Variants in XKR7 observed in about 807,000 individuals in gnomAD.
XKR7 encodes the protein XK-related protein 7.
XKR7 carries 11 observed loss-of-function variants against 42.2 expected under a neutral mutation model. That is an observed-to-expected ratio of 0.26 (90% CI 0.16 to 0.43). The LOEUF is 0.43. XKR7 is among the 20% of genes least tolerant of loss of function. The probability of loss-of-function intolerance (pLI) is 1.00; values close to 1 mark genes in which losing one functional copy is unlikely to be tolerated. For missense variants in XKR7, 710 were observed against 802.2 expected (o/e 0.89, Z 1.39); for synonymous variants, 346 against 366.4 (o/e 0.94, Z 0.64).
At chr20:31,981,769 G>A (rs1203144343) in intron 1 of XKR7, among the ~76,000 whole-genome samples, 1 of 152,162 alleles carries the variant, frequency 6.6e-6, no homozygotes, top group Admixed American at 6.5e-5. Flanking sequence ...TCTCCACTTC[G>A]TGTCGTGCTT....
chr20:31,989,283 C>CG (rs1404607780), intron 1 of XKR7, among the ~76,000 whole-genome samples: 9 of 120,618 alleles, frequency 7.5e-5, no homozygotes, highest in African/African-American at 2.9e-4. Flanking sequence ...ACACCCCCCC[C>CG]CCAGCGCATC....
chr20:31,997,186 G>A lies in XKR7; in HGVS notation c.1469G>A (p.Gly490Glu), dbSNP rs1482664633. The A allele has an allele frequency of 6.2e-7, 1 of 1,610,032 alleles. No homozygotes were observed. The highest frequency in any genetic ancestry group is 1.7e-5 in the Admixed American group (1 of 59,990). The change falls in exon 3 of 3, where the codon GGA becomes GAA. Residue 490 changes from glycine (G) to glutamate (E), a missense_variant. Gly to Glu is a moderately conservative substitution (Grantham distance 98). Coordinates refer to ENST00000562532, the MANE Select transcript of XKR7 (RefSeq NM_001011718.2). ...TGAERDGASA[G>E]ERAGTPTPPV... ...GCTGAGCGGGATGGGGCCTCGGCGG[G>A]AGAGCGTGCAGGGACCCCCACCCCA...
At chr20:31,996,456 CGAGCCCG>C in intron 2 of XKR7, 42 bp from the exon 3 acceptor site, 8 of 571,044 alleles carry the variant, frequency 1.4e-5, no homozygotes, top group East Asian at 3.4e-5. Context: ...GACCCCAACC[CGAGCCCG>C]CCCCTAACCC....
At chr20:31,986,442 C>T (rs988257890) in intron 1 of XKR7, among the ~76,000 whole-genome samples, 10 of 125,942 alleles carry the variant, frequency 7.9e-5, no homozygotes, top group African/African-American at 2.8e-4. Context: ...ACAGACAGAC[C>T]ACCAAGCACA....
rs1455366361 is a variant in XKR7 at position 31,995,754 on chromosome 20, G to T, written c.787+484G>T. Among the ~76,000 whole-genome samples the T allele has an allele frequency of 6.6e-6, 1 of 151,672 alleles. No homozygotes were observed. Among genetic ancestry groups the T allele is most frequent in the Non-Finnish European group, 1.5e-5 (1 of 67,870 alleles). On this transcript the variant is annotated intron_variant, in intron 2 of 2. Coordinates refer to ENST00000562532, the MANE Select transcript of XKR7 (RefSeq NM_001011718.2). The surrounding 1 kb of genome is among the most constrained non-coding windows in gnomAD (Gnocchi z 4.1). The stretch of plus-strand genomic sequence containing the variant: ...GGGGGGCCCCGGGGGGCCCTCCCAG[G>T]CCTAGTCCTGGCACCCATCCCCTCC...
At chr20:31,996,122 C>T (rs561199536) in intron 2 of XKR7, among the ~76,000 whole-genome samples, 60 of 152,006 alleles carry the variant, frequency 3.9e-4, no homozygotes, top group South Asian at 2.1e-3. Context: ...CCTGGCAGCT[C>T]CACACCCTAA....
At chr20:31,981,852 C>A (rs907681841) in intron 1 of XKR7, among the ~76,000 whole-genome samples, 2 of 152,356 alleles carry the variant, frequency 1.3e-5, no homozygotes, top group African/African-American at 4.8e-5. Flanking sequence ...CACTTCAGGA[C>A]TTTTGCCTAT....
chr20:31,983,035 A>G (rs1165733521), intron 1 of XKR7, among the ~76,000 whole-genome samples: 1 of 152,238 alleles, frequency 6.6e-6, no homozygotes, highest in Non-Finnish European at 1.5e-5. Context: ...TCAGTAAGAG[A>G]TGGAGCTAGG....
Position 31,996,656 on chromosome 20 carries a change from C to T in XKR7, c.939C>T (p.Arg313=), listed in dbSNP as rs754406842. 6 of 1,596,206 alleles carry T rather than the reference C, an allele frequency of 3.8e-6. No homozygotes were observed. Among genetic ancestry groups the T allele is most frequent in the African/African-American group, 1.3e-5 (1 of 74,334 alleles). ...VLWHLFSIAA[R]GLAFALFASV... ...GGCACCTGTTCAGCATTGCCGCCCGCGGCCTGGCCTTCGCGCTCTTCGCCA... is the reference window on the plus strand; with the variant it reads ...GGCACCTGTTCAGCATTGCCGCCCGTGGCCTGGCCTTCGCGCTCTTCGCCA... The change falls in exon 3 of 3, where the codon CGC becomes CGT. Residue 313 remains arginine (R), a synonymous_variant. Coordinates refer to ENST00000562532, the MANE Select transcript of XKR7 (RefSeq NM_001011718.2).
intron 1 of XKR7, among the ~76,000 whole-genome samples, chr20:31,972,819 C>T (rs1344585168): frequency 6.6e-6 from 1 of 152,176 alleles, no homozygotes; most frequent in Non-Finnish European, 1.5e-5. Context: ...TCTATGTCAC[C>T]TAAGAAGCCC....
At position 32,002,044 on chromosome 20, in the gene XKR7, A is replaced by G. The variant is rs2064627406; in HGVS notation, c.*4587A>G. 1.3e-5 allele frequency: 2 copies of G among 152,188 alleles called. No individual in the cohort carries two copies. Among genetic ancestry groups the G allele is most frequent in the Non-Finnish European group, 1.5e-5 (1 of 68,104 alleles). The allele number at this position is 152,188 out of a possible 1,614,324, so 9.4% of individuals were successfully genotyped here. A position where few individuals can be genotyped will look rare whatever the true frequency, so the allele number is the denominator to read the frequency against. On this transcript the variant is annotated 3_prime_UTR_variant, in exon 3 of 3. Transcript: ENST00000562532. ...ATGTGCCATTCTGGTTGGGGAGAGGATAGGACATTTCTGGGTCCTTGGCTG... is the reference window on the plus strand; with the variant it reads ...ATGTGCCATTCTGGTTGGGGAGAGGGTAGGACATTTCTGGGTCCTTGGCTG...
At chr20:31,993,316 A>T (rs930077281) in intron 1 of XKR7, among the ~76,000 whole-genome samples, 15 of 152,142 alleles carry the variant, frequency 9.9e-5, no homozygotes, top group Admixed American at 7.9e-4. Context: ...GCAGAAGGGA[A>T]ATCAGACCCA....
intron 1 of XKR7, among the ~76,000 whole-genome samples, chr20:31,981,064 CAAAA>C (rs1304530509): frequency 1.1e-5 from 1 of 94,444 alleles, no homozygotes; most frequent in Admixed American, 1.2e-4. Context: ...GACCCTGTCT[CAAAA>C]AAAAAAAAAA....
At chr20:31,988,900 C>T (rs182312090) in intron 1 of XKR7, among the ~76,000 whole-genome samples, 21 of 152,226 alleles carry the variant, frequency 1.4e-4, no homozygotes, top group African/African-American at 4.6e-4. Flanking sequence ...GAGGGAGATG[C>T]ACACAGATAC....
chr20:31,988,898 T>G (rs190632804), intron 1 of XKR7, among the ~76,000 whole-genome samples: 127 of 152,172 alleles, frequency 8.3e-4, no homozygotes, highest in African/African-American at 1.2e-3. Flanking sequence ...AGGAGGGAGA[T>G]GCACACAGAT....
chr20:31,997,759 T>G lies in XKR7; in HGVS notation c.*302T>G. Reference sequence around the variant, plus strand: ...TCATGGGGCCTCCACACCTCTCCCCTGCCTGGCGTTGCCCATGTGTTGCCC... The same window carrying G: ...TCATGGGGCCTCCACACCTCTCCCCGGCCTGGCGTTGCCCATGTGTTGCCC... On this transcript the variant is annotated 3_prime_UTR_variant, in exon 3 of 3. Transcript: ENST00000562532. The G allele has an allele frequency of 2.7e-6, 1 of 368,392 alleles. No homozygotes were observed. Among genetic ancestry groups the G allele is most frequent in the Non-Finnish European group, 4.9e-6 (1 of 202,200 alleles). 22.8% of individuals were successfully genotyped at this position (368,392 alleles called of 1,614,324 possible).
Position 31,995,896 on chromosome 20 carries a change from A to T in XKR7, c.788-609A>T, listed in dbSNP as rs891914839. ...CCCTGAAGCACTCCGTGCTCTCCCA[A>T]CCTAGTCCCTGCCCAACCCATCCTC... On this transcript the variant is annotated intron_variant, in intron 2 of 2. Transcript: ENST00000562532. The surrounding 1 kb of genome is among the most constrained non-coding windows in gnomAD (Gnocchi z 4.1). Among the ~76,000 whole-genome samples, 13 of 151,090 alleles carry T rather than the reference A, an allele frequency of 8.6e-5. No individual in the cohort carries two copies. The highest frequency in any genetic ancestry group is 2.1e-4 in the South Asian group (1 of 4,776).
Position 31,999,732 on chromosome 20 carries a change from G to A in XKR7, c.*2275G>A, listed in dbSNP as rs942917057. ...ACTTACACTCTCCTCTGGTCACGAC[G>A]TCCCTGCAAGAGAGGTATTATCAAC... On this transcript the variant is annotated 3_prime_UTR_variant, in exon 3 of 3. Coordinates refer to ENST00000562532, the MANE Select transcript of XKR7 (RefSeq NM_001011718.2). The A allele has an allele frequency of 2.0e-5, 3 of 152,080 alleles. No individual in the cohort carries two copies. Among genetic ancestry groups the A allele is most frequent in the South Asian group, 2.1e-4 (1 of 4,816 alleles). The allele number at this position is 152,080 out of a possible 1,614,324, so 9.4% of individuals were successfully genotyped here. A position where few individuals can be genotyped will look rare whatever the true frequency, so the allele number is the denominator to read the frequency against.
Position 31,980,144 on chromosome 20 carries a change from A to AG in XKR7, c.584+11385_584+11386insG, listed in dbSNP as rs1417428790. Among the ~76,000 whole-genome samples the AG allele has an allele frequency of 2.0e-5, 3 of 151,678 alleles. No homozygotes were observed. In the East Asian group the frequency reaches 5.8e-4, roughly 29 times the overall value. Reference sequence around the variant, plus strand: ...GGCTTTAGCCCAGAAAAAAAAAAAAAAAAAAAAGAGGTGCTGTGACTCTGT... The same window carrying AG: ...GGCTTTAGCCCAGAAAAAAAAAAAAAGAAAAAAAGAGGTGCTGTGACTCTGT... On this transcript the variant is annotated intron_variant, in intron 1 of 2. Transcript: ENST00000562532.
Sources: gnomAD v4.1 joint callset for allele counts (sites outside exome capture counted in the v4.1 genomes callset) on GRCh38, gnomAD v4.1.1 for gene constraint, Gnocchi (gnomAD v3.1) non-coding constraint, MANE v1.5 for transcripts, NCBI Gene and HGNC (gene_info 2026-07-23, HGNC 2026-07-21) for gene names.